Variants in NALCN observed in about 807,000 individuals in gnomAD.
NALCN encodes sodium leak channel, non-selective.
Under a neutral mutation model 225.3 loss-of-function variants are expected in NALCN, and 111 were observed. That is an observed-to-expected ratio of 0.49 (90% CI 0.42 to 0.58). NALCN has a LOEUF of 0.58. Among genes scored for constraint, NALCN ranks in the 20% least tolerant of loss-of-function variants. The pLI, the probability that NALCN is intolerant of heterozygous loss-of-function variation, is 0.00. For synonymous variants in NALCN, 764 were observed against 769.0 expected (o/e 0.99, Z 0.11); for missense variants, 1,378 against 2,202.4 (o/e 0.63, Z 7.49).
chr13:101,093,682 A>C (rs2139567512), intron 28 of NALCN, among the ~76,000 whole-genome samples: 1 of 152,368 alleles, frequency 6.6e-6, no homozygotes, highest in African/African-American at 2.4e-5. Flanking sequence ...ATAGGGCACA[A>C]CTGGCAGGTT....
At chr13:101,244,563 C>CT (rs2041838904) in intron 11 of NALCN, among the ~76,000 whole-genome samples, 1 of 152,136 alleles carries the variant, frequency 6.6e-6, no homozygotes, top group South Asian at 2.1e-4. Context: ...AATTTGTTAA[C>CT]TTTTACAAGC....
At chr13:101,270,265 G>A (rs1383143489) in intron 10 of NALCN, among the ~76,000 whole-genome samples, 1 of 152,040 alleles carries the variant, frequency 6.6e-6, no homozygotes, top group Non-Finnish European at 1.5e-5. Flanking sequence ...AGTCAGGAAG[G>A]ACTACAATAG....
At chr13:101,369,166 A>G (rs1440690774) in intron 6 of NALCN, among the ~76,000 whole-genome samples, 5 of 146,418 alleles carry the variant, frequency 3.4e-5, no homozygotes, top group Non-Finnish European at 6.0e-5. Context: ...GACAAAATAA[A>G]TGTGTGTGTG....
At chr13:101,356,099 A>C (rs2046050352) in intron 6 of NALCN, among the ~76,000 whole-genome samples, 1 of 152,216 alleles carries the variant, frequency 6.6e-6, no homozygotes, top group African/African-American at 2.4e-5. Flanking sequence ...AGCTAGAAAT[A>C]TCTCAAATGG....
Position 101,300,421 on chromosome 13 carries a change from C to CT in NALCN, c.800-8056dup, listed in dbSNP as rs913988713. ...TTCCCTCCTTCCTTCCTTTCTTTCT[C>CT]TTTTTTTTCTCTCTCTTTCTTTCTT... On this transcript the variant is annotated intron_variant, in intron 7 of 43. Transcript: ENST00000251127. Among the ~76,000 whole-genome samples the CT allele has an allele frequency of 9.5e-5, 9 of 94,762 alleles. No homozygotes were observed. The East Asian group carries it at 2.7e-3, about 28-fold the overall frequency. 62.2% of individuals were successfully genotyped at this position (94,762 alleles called of 152,430 possible). A position where few individuals can be genotyped will look rare whatever the true frequency, so the allele number is the denominator to read the frequency against.
At chr13:101,079,154 T>G (rs2033457071) in intron 34 of NALCN, among the ~76,000 whole-genome samples, 1 of 152,238 alleles carries the variant, frequency 6.6e-6, no homozygotes, top group South Asian at 2.1e-4. Context: ...TACCCAGTTT[T>G]GGGTATTTCT....
intron 3 of NALCN, among the ~76,000 whole-genome samples, chr13:101,388,389 T>G (rs1420367618): frequency 1.3e-5 from 2 of 152,032 alleles, no homozygotes; most frequent in Non-Finnish European, 2.9e-5. Flanking sequence ...TTATTTGATT[T>G]TCATTTTAAA....
chr13:101,205,064 G>A (rs1276398097), intron 13 of NALCN, among the ~76,000 whole-genome samples: 5 of 152,124 alleles, frequency 3.3e-5, no homozygotes, highest in Non-Finnish European at 7.4e-5. Flanking sequence ...TCTTGACTTT[G>A]ATTCCTTCTG....
At chr13:101,280,742 T>A (rs763203838) in intron 10 of NALCN, among the ~76,000 whole-genome samples, 2 of 152,192 alleles carry the variant, frequency 1.3e-5, no homozygotes, top group Non-Finnish European at 2.9e-5. Context: ...CTCCCTCTGG[T>A]TGAATGTAAT....
In NALCN at chr13:101,095,585, C is replaced by T; in HGVS notation, c.3258G>A (p.Val1086=). ...RPGEKKPGFW[V]PRVWANPRNF... ...TATGATATACTTACCAAACACGGGG[C>T]ACCCAAAATCCAGGTTTTTTCTCTC... Residue 1086 remains valine (V), a synonymous_variant, in exon 28 of 44, where the codon GTG becomes GTA. Transcript: ENST00000251127. 6.2e-7 allele frequency: 1 copy of T among 1,612,128 alleles called. No individual in the cohort carries two copies. The highest frequency in any genetic ancestry group is 8.5e-7 in the Non-Finnish European group (1 of 1,179,184).
rs1256760913 is a variant in NALCN, at chr13:101,292,149, G to T, written c.943-55C>A. 9.2e-5 allele frequency: 148 copies of T among 1,611,858 alleles called. 1 individual carries two copies. The highest frequency in any genetic ancestry group is 1.6e-4 in the Middle Eastern group (1 of 6,082). On this transcript the variant is annotated intron_variant, in intron 8 of 43. Coordinates refer to ENST00000251127, the MANE Select transcript of NALCN (RefSeq NM_052867.4). The surrounding 1 kb of genome is among the most constrained non-coding windows in gnomAD (Gnocchi z 4.3). The stretch of plus-strand genomic sequence containing the variant: ...AAGTCTAAGAATGACAAAGCAGAGG[G>T]CAACCAAAACCAAACAAAAGATCTG...
rs2037155709 is a variant in NALCN, at chr13:101,142,856, T to C, written c.2118+224A>G. On this transcript the variant is annotated intron_variant, in intron 17 of 43. Coordinates refer to ENST00000251127, the MANE Select transcript of NALCN (RefSeq NM_052867.4). The stretch of plus-strand genomic sequence containing the variant: ...GGCTCTTGATGTTTACAAAGTCGCA[T>C]GGCTGCCACGTGGCGCAGCTCAAAA... 8 of 525,978 alleles carry C rather than the reference T, an allele frequency of 1.5e-5. 1 individual carries two copies. Among genetic ancestry groups the C allele is most frequent in the South Asian group, 1.4e-4 (7 of 48,864 alleles). The allele number at this position is 525,978 out of a possible 1,614,324, so 32.6% of individuals were successfully genotyped here.
At chr13:101,359,229 C>A (rs1190349134) in intron 6 of NALCN, among the ~76,000 whole-genome samples, 2 of 151,500 alleles carry the variant, frequency 1.3e-5, no homozygotes, top group Non-Finnish European at 2.9e-5. Context: ...TAAATGGATA[C>A]AAAGCAGGAA....
intron 14 of NALCN, among the ~76,000 whole-genome samples, chr13:101,191,302 T>C (rs778785518): frequency 6.6e-6 from 1 of 152,052 alleles, no homozygotes; most frequent in Non-Finnish European, 1.5e-5. Context: ...TTCTTTGTTT[T>C]TAATGGAAGT....
At position 101,289,296 on chromosome 13, in the gene NALCN, T is replaced by C. The variant is rs149364519; in HGVS notation, c.1047+2694A>G. Among the ~76,000 whole-genome samples, 478 of 152,296 alleles carry C rather than the reference T, an allele frequency of 3.1e-3. 6 individuals are homozygous for C. Among genetic ancestry groups the C allele is most frequent in the Non-Finnish European group, 1.1e-3 (74 of 68,024 alleles). ...TGTTTTCCAGTTACATGTTATATTA[T>C]GGTCTCCTAAAGACCCTTGGCATTA... On this transcript the variant is annotated intron_variant, in intron 9 of 43. Transcript: ENST00000251127.
intron 10 of NALCN, among the ~76,000 whole-genome samples, chr13:101,274,082 C>T (rs957531943): frequency 6.6e-6 from 1 of 152,008 alleles, no homozygotes; most frequent in Non-Finnish European, 1.5e-5. Context: ...TTCTAGAAGG[C>T]ATACAAAATA....
rs147657311 is a variant in NALCN, at chr13:101,232,124, A to G, written c.1435-2540T>C. ...AGCTTAAGAATGACACCGACACACC[A>G]ACAGAAGAAAGGTAGGTGAAGACAT... On this transcript the variant is annotated intron_variant, in intron 12 of 43. Coordinates refer to ENST00000251127, the MANE Select transcript of NALCN (RefSeq NM_052867.4). Among the ~76,000 whole-genome samples the G allele has an allele frequency of 2.2e-3, 336 of 152,030 alleles. 2 individuals are homozygous for G. Among genetic ancestry groups the G allele is most frequent in the African/African-American group, 7.8e-3 (325 of 41,466 alleles).
In NALCN at chr13:101,067,971, T is replaced by A; in HGVS notation, c.4393A>T (p.Asn1465Tyr). The change falls in exon 39 of 44, where the codon AAT becomes TAT. Residue 1465 changes from asparagine to tyrosine, a missense_variant. Physicochemically the swap from Asn to Tyr is moderately radical, Grantham distance 143. Transcript: ENST00000251127. ...STEEDQLLSY[N>Y]DLRHFQIIWN... The stretch of plus-strand genomic sequence containing the variant: ...ATTATTTGAAAGTGGCGAAGATCAT[T>A]GTAACTTAAAAGCTGGTCCTCCTCA... 1 of 1,613,442 alleles carries A rather than the reference T, an allele frequency of 6.2e-7. No homozygotes were observed. Among genetic ancestry groups the A allele is most frequent in the Non-Finnish European group, 8.5e-7 (1 of 1,179,826 alleles).
intron 13 of NALCN, among the ~76,000 whole-genome samples, chr13:101,225,031 C>T (rs2140119811): frequency 6.6e-6 from 1 of 152,304 alleles, no homozygotes; most frequent in Non-Finnish European, 1.5e-5. Flanking sequence ...CCAATGCCTC[C>T]TGCCTAACTT....
Sources: allele counts gnomAD v4.1 joint callset (sites outside exome capture counted in the v4.1 genomes callset), GRCh38; gene constraint gnomAD v4.1.1; non-coding constraint Gnocchi (gnomAD v3.1); transcripts MANE v1.5; gene names NCBI Gene and HGNC (gene_info 2026-07-23, HGNC 2026-07-21).